SAMMSON: variants seen among roughly 807,000 people sequenced by gnomAD.
The protein encoded by SAMMSON is survival associated mitochondrial melanoma specific oncogenic non-coding RNA.
intron 4 of SAMMSON, among the ~76,000 whole-genome samples, chr3:70,150,943 T>C (rs2067568820): frequency 6.6e-6 from 1 of 152,044 alleles, no homozygotes; most frequent in East Asian, 1.9e-4. Context: ...TACTAAAAAA[T>C]GTGACATTCT....
chr3:70,319,467 G>A (rs1702519800), intron 7 of SAMMSON, among the ~76,000 whole-genome samples: 1 of 152,014 alleles, frequency 6.6e-6, no homozygotes, highest in Admixed American at 6.6e-5. Flanking sequence ...ACCAAAAGCA[G>A]AAGAAATTTT....
At chr3:70,017,064 A>AT (rs1394690065) in intron 3 of SAMMSON, among the ~76,000 whole-genome samples, 1 of 152,082 alleles carries the variant, frequency 6.6e-6, no homozygotes, top group Non-Finnish European at 1.5e-5. Context: ...TGACTTGGCG[A>AT]TGTGGGCTCT....
intron 4 of SAMMSON, among the ~76,000 whole-genome samples, chr3:70,124,491 A>G (rs1489385571): frequency 6.6e-6 from 1 of 152,162 alleles, no homozygotes; most frequent in Non-Finnish European, 1.5e-5. Context: ...CCTGACATGT[A>G]AGCATTCTTT....
chr3:70,022,085 G>A (rs1168715866), intron 3 of SAMMSON, among the ~76,000 whole-genome samples: 1 of 151,978 alleles, frequency 6.6e-6, no homozygotes, highest in Non-Finnish European at 1.5e-5. Flanking sequence ...AACGAGAAGG[G>A]CCTTTTGTTT....
At chr3:70,094,190 A>G (rs2067315196) in intron 4 of SAMMSON, among the ~76,000 whole-genome samples, 1 of 152,054 alleles carries the variant, frequency 6.6e-6, no homozygotes, top group South Asian at 2.1e-4. Flanking sequence ...ATATCTCTTG[A>G]TCATGCCTGC....
intron 7 of SAMMSON, among the ~76,000 whole-genome samples, chr3:70,319,421 T>C (rs1411719820): frequency 6.6e-6 from 1 of 152,094 alleles, no homozygotes; most frequent in Non-Finnish European, 1.5e-5. Flanking sequence ...TTTATAACTA[T>C]GTATGAATAA....
intron 4 of SAMMSON, among the ~76,000 whole-genome samples, chr3:70,150,610 A>G (rs2067567540): frequency 6.6e-6 from 1 of 151,994 alleles, no homozygotes. Flanking sequence ...AGCAGGATTC[A>G]TTCCATTATT....
chr3:70,171,501 ATT>A (rs1391670714), intron 4 of SAMMSON, among the ~76,000 whole-genome samples: 1 of 151,930 alleles, frequency 6.6e-6, no homozygotes, highest in African/African-American at 2.4e-5. Context: ...ATAAAAATAC[ATT>A]TTCAAAATGA....
chr3:70,233,263 C>A (rs1207593397), intron 4 of SAMMSON, among the ~76,000 whole-genome samples: 1 of 152,078 alleles, frequency 6.6e-6, no homozygotes, highest in Non-Finnish European at 1.5e-5. Flanking sequence ...AAGATAAAAG[C>A]TGAAATCTGT....
rs999477316 is a variant in SAMMSON, at chr3:70,330,927, CTT to C, written n.740-23247_740-23246del. Among the ~76,000 whole-genome samples, 8 of 152,130 alleles carry C rather than the reference CTT, an allele frequency of 5.3e-5. 1 individual carries two copies. In the South Asian group the frequency reaches 6.2e-4, roughly 12 times the overall value. The stretch of plus-strand genomic sequence containing the variant: ...AACTCATTAAATATAATTTTATACA[CTT>C]ATAAGTGAAAGGAGAAGGCAATTAC... On this transcript the variant is annotated intron_variant and non_coding_transcript_variant, in intron 7 of 9. Coordinates refer to ENST00000642114, the Ensembl canonical transcript of SAMMSON.
chr3:70,397,325 G>A (rs1701100475), intron 2 of SAMMSON, among the ~76,000 whole-genome samples: 1 of 151,676 alleles, frequency 6.6e-6, no homozygotes, highest in Admixed American at 6.6e-5. Context: ...GTTTTTTTGG[G>A]ACGGGGTCTC....
At chr3:70,116,725 A>C (rs1437210320) in intron 4 of SAMMSON, among the ~76,000 whole-genome samples, 1 of 152,164 alleles carries the variant, frequency 6.6e-6, no homozygotes, top group South Asian at 2.1e-4. Flanking sequence ...AATGAAGAAA[A>C]GGGATAGAAA....
chr3:70,203,017 G>C (rs1341609614), intron 4 of SAMMSON, among the ~76,000 whole-genome samples: 3 of 152,006 alleles, frequency 2.0e-5, no homozygotes, highest in Non-Finnish European at 2.9e-5. Context: ...ATTAGGAGGT[G>C]GGAGGGATAA....
intron 2 of SAMMSON, among the ~76,000 whole-genome samples, chr3:70,430,684 G>A (rs1701406740): frequency 6.6e-6 from 1 of 152,072 alleles, no homozygotes. Flanking sequence ...TTTTACTATT[G>A]TTATCAGCAC....
At position 70,420,764 on chromosome 3, in the gene SAMMSON, C is replaced by A. The variant is rs1701304619; in HGVS notation, n.234-41796C>A. Among the ~76,000 whole-genome samples, 3 of 152,058 alleles carry A rather than the reference C, an allele frequency of 2.0e-5. No individual in the cohort carries two copies. In the South Asian group the frequency reaches 6.2e-4, roughly 31 times the overall value. On this transcript the variant is annotated intron_variant and non_coding_transcript_variant, in intron 2 of 3. Coordinates refer to the SAMMSON transcript ENST00000641053. ...TTGTTGGTTTATTTTCCTCATTGAG[C>A]AAAGATGCTAACATTTCTCCCAATG... is the stretch of plus-strand genomic sequence containing the variant.
chr3:70,433,947 G>A (rs1260858615), intron 2 of SAMMSON, among the ~76,000 whole-genome samples: 2 of 152,128 alleles, frequency 1.3e-5, no homozygotes, highest in Non-Finnish European at 2.9e-5. Context: ...AAGATCGGTT[G>A]ACTATATTTA....
chr3:70,210,340 T>G (rs1416587643), intron 4 of SAMMSON, among the ~76,000 whole-genome samples: 2 of 152,134 alleles, frequency 1.3e-5, no homozygotes, highest in Non-Finnish European at 2.9e-5. Flanking sequence ...ATATTTTTAT[T>G]TTTTCTCATT....
At chr3:70,077,036 G>A (rs887084689) in intron 4 of SAMMSON, among the ~76,000 whole-genome samples, 8 of 152,054 alleles carry the variant, frequency 5.3e-5, no homozygotes, top group African/African-American at 1.2e-4. Context: ...TCTTTGTGGG[G>A]GGAATTTGAG....
intron 2 of SAMMSON, among the ~76,000 whole-genome samples, chr3:70,415,737 T>C (rs1349915450): frequency 6.6e-6 from 1 of 152,230 alleles, no homozygotes; most frequent in Admixed American, 6.5e-5. Context: ...TGCAATCTTT[T>C]GAAGAGTAAC....
Sources: allele counts gnomAD v4.1 joint callset (sites outside exome capture counted in the v4.1 genomes callset), GRCh38; gene constraint gnomAD v4.1.1; transcripts MANE v1.5; gene names NCBI Gene and HGNC (gene_info 2026-07-23, HGNC 2026-07-21).